Variants in MBTPS1 observed in about 807,000 individuals in gnomAD.
MBTPS1 encodes membrane bound transcription factor peptidase, site 1.
Under a neutral mutation model 127.8 loss-of-function variants are expected in MBTPS1, and 94 were observed. The ratio of observed to expected loss-of-function variants is 0.74; its 90% CI spans 0.62 to 0.87. The LOEUF (loss-of-function observed/expected upper bound fraction) is 0.87. Ranked by LOEUF, MBTPS1 falls within the 40% of genes least tolerant of loss-of-function variation. MBTPS1 has a pLI of 0.00. For synonymous variants in MBTPS1, 632 were observed against 509.4 expected, an observed-to-expected ratio of 1.24 and a Z score of -3.24; for missense variants, 1,636 against 1,353.2, an observed-to-expected ratio of 1.21 and a Z score of -3.28.
intron 15 of MBTPS1, among the ~76,000 whole-genome samples, chr16:84,068,100 CTT>C (rs1300692759): frequency 6.6e-6 from 1 of 152,224 alleles, no homozygotes; most frequent in East Asian, 1.9e-4. Context: ...CTGCTTTTAA[CTT>C]AAAGAAAAAA....
chr16:84,080,793 TC>T (rs1444812255), intron 11 of MBTPS1, among the ~76,000 whole-genome samples: 2 of 152,210 alleles, frequency 1.3e-5, no homozygotes, highest in African/African-American at 4.8e-5. Context: ...GCACTGCAGT[TC>T]CTGCCTATTC....
intron 10 of MBTPS1, among the ~76,000 whole-genome samples, chr16:84,083,880 G>C (rs1245141692): frequency 6.6e-6 from 1 of 152,180 alleles, no homozygotes; most frequent in South Asian, 2.1e-4. Context: ...TTTTACAACT[G>C]AGAGTAAAGA....
chr16:84,079,236 G>A (rs938518519), intron 11 of MBTPS1, among the ~76,000 whole-genome samples: 1 of 152,206 alleles, frequency 6.6e-6, no homozygotes, highest in South Asian at 2.1e-4. Flanking sequence ...TATGCTTCCT[G>A]TACAGCCTGC....
chr16:84,109,325 C>G (rs74032830), intron 1 of MBTPS1: 109 of 152,274 alleles, frequency 7.2e-4, no homozygotes, highest in African/African-American at 2.4e-3. Flanking sequence ...CAGATCCCAA[C>G]CCGTGGAATA....
chr16:84,055,934 G>GA (rs1209536344), intron 22 of MBTPS1, 71 bp downstream of exon 22: 2 of 1,536,736 alleles, frequency 1.3e-6, no homozygotes, highest in South Asian at 1.2e-5. Context: ...CGCCTCCTGG[G>GA]GAGGGAGGGA....
chr16:84,070,237 A>C (rs1236300713), intron 13 of MBTPS1, among the ~76,000 whole-genome samples, 199 bp from the exon 14 acceptor site: 1 of 152,262 alleles, frequency 6.6e-6, no homozygotes, highest in Non-Finnish European at 1.5e-5. Context: ...GTTAAAATTT[A>C]AGGCATATTC....
At chr16:84,110,661 C>T (rs1169859210) in intron 1 of MBTPS1, 2 of 152,346 alleles carry the variant, frequency 1.3e-5, no homozygotes, top group Middle Eastern at 3.4e-3. Flanking sequence ...CAACCCGTTA[C>T]TACCCCCACT....
chr16:84,072,015 G>A (rs780281172), intron 12 of MBTPS1: 3 of 152,226 alleles, frequency 2.0e-5, no homozygotes, highest in African/African-American at 7.2e-5. Flanking sequence ...CAAGGCGCCC[G>A]TTTTACCCCC....
rs546916334 is a variant in MBTPS1, at chr16:84,113,552, G to A, written c.-325+3183C>T. Among the ~76,000 whole-genome samples, 3 of 152,336 alleles carry A rather than the reference G, an allele frequency of 2.0e-5. No individual in the cohort carries two copies. In the East Asian group the frequency reaches 5.8e-4, roughly 29 times the overall value. On this transcript the variant is annotated intron_variant, in intron 1 of 22. Coordinates refer to ENST00000343411, the MANE Select transcript of MBTPS1 (RefSeq NM_003791.4). ...TGCGCAAGCAACTGGCCTAGCTGGT[G>A]GCTAGCATTCTTTGCAGCTCTTGGA...
intron 1 of MBTPS1, among the ~76,000 whole-genome samples, chr16:84,110,178 C>A (rs1433407065): frequency 6.6e-6 from 1 of 152,154 alleles, no homozygotes; most frequent in African/African-American, 2.4e-5. Flanking sequence ...AGACCACACA[C>A]GTCAGACAGA....
intron 21 of MBTPS1, 108 bp from the exon 22 acceptor site, chr16:84,056,243 G>A (rs984610858): frequency 2.1e-6 from 2 of 937,358 alleles, no homozygotes; most frequent in Non-Finnish European, 1.6e-6. Flanking sequence ...GATCTACGGG[G>A]AGATGTGAAA....
chr16:84,096,358 CAG>C (rs1031217980), intron 3 of MBTPS1, among the ~76,000 whole-genome samples: 23 of 152,192 alleles, frequency 1.5e-4, no homozygotes, highest in Admixed American at 5.2e-4. Flanking sequence ...GAGTGAGAGA[CAG>C]GGAATTTCTG....
At chr16:84,059,469 C>G (rs759995263) in intron 20 of MBTPS1, 41 bp from the exon 21 acceptor site, 2 of 1,592,780 alleles carry the variant, frequency 1.3e-6, no homozygotes, top group Middle Eastern at 1.7e-4. Context: ...AAAATCATCT[C>G]TATTACTAAA....
intron 1 of MBTPS1, among the ~76,000 whole-genome samples, chr16:84,109,921 C>CG (rs2086376170): frequency 2.0e-5 from 3 of 152,108 alleles, no homozygotes; most frequent in Non-Finnish European, 4.4e-5. Context: ...ACTAAAACAC[C>CG]GGGGGATAAT....
At chr16:84,088,807 C>A (rs1437428781) in intron 8 of MBTPS1, among the ~76,000 whole-genome samples, 1 of 152,118 alleles carries the variant, frequency 6.6e-6, no homozygotes, top group Non-Finnish European at 1.5e-5. Flanking sequence ...CCACCAGATG[C>A]CCAAGCAGAA....
At chr16:84,065,543 T>C (rs2085668876) in intron 18 of MBTPS1, 147 bp downstream of exon 18, 1 of 642,354 alleles carries the variant, frequency 1.6e-6, no homozygotes, top group Non-Finnish European at 2.7e-6. Flanking sequence ...AATTGTACAC[T>C]TTAAAAGGGC....
At chr16:84,076,134 A>G (rs1303860258) in intron 11 of MBTPS1, among the ~76,000 whole-genome samples, 4 of 152,244 alleles carry the variant, frequency 2.6e-5, no homozygotes, top group Non-Finnish European at 5.9e-5. Context: ...TGGGAAACTC[A>G]TTAATATCAT....
intron 3 of MBTPS1, among the ~76,000 whole-genome samples, chr16:84,097,844 G>GTGTC (rs2086197806): frequency 6.7e-6 from 1 of 148,498 alleles, no homozygotes; most frequent in Non-Finnish European, 1.5e-5. Context: ...CTTCGTGTGT[G>GTGTC]TGTGTGTGTG....
At position 84,116,763 on chromosome 16, in the gene MBTPS1, G is replaced by A. The variant is rs899179871; in HGVS notation, c.-353C>T. On this transcript the variant is annotated 5_prime_UTR_variant, in exon 1 of 23. Coordinates refer to ENST00000343411, the MANE Select transcript of MBTPS1 (RefSeq NM_003791.4). ...CGCCGCCGGGAGCTCAGGGCCGGCG[G>A]GCCCGGGATAACGGCGCCTCCGCGG... 3 of 152,134 alleles carry A rather than the reference G, an allele frequency of 2.0e-5. No homozygotes were observed. Among genetic ancestry groups the A allele is most frequent in the African/African-American group, 7.2e-5 (3 of 41,448 alleles). The allele number at this position is 152,134 out of a possible 1,614,324, so 9.4% of individuals were successfully genotyped here.
Sources: allele counts gnomAD v4.1 joint callset (sites outside exome capture counted in the v4.1 genomes callset), GRCh38; gene constraint gnomAD v4.1.1; transcripts MANE v1.5; gene names NCBI Gene and HGNC (gene_info 2026-07-23, HGNC 2026-07-21).